The following UHRF1 variants were observed in gnomAD, a reference collection of about 807,000 sequenced individuals.
UHRF1 encodes the protein E3 ubiquitin-protein ligase UHRF1.
Under a neutral mutation model 96.5 loss-of-function variants are expected in UHRF1, and 9 were observed. The observed-to-expected ratio is 0.09, with a 90% CI of 0.06 to 0.16. The LOEUF (loss-of-function observed/expected upper bound fraction) is 0.16, where lower values mean the gene tolerates loss of function less well. Among genes scored for constraint, UHRF1 ranks in the 10% least tolerant of loss-of-function variants. The pLI is 1.00. For synonymous variants in UHRF1, 455 were observed against 469.9 expected (o/e 0.97, Z 0.41); for missense variants, 626 against 1,131.1 (o/e 0.55, Z 6.40).
At chr19:4,915,296 G>A (rs1249287602) in intron 2 of UHRF1, among the ~76,000 whole-genome samples, 1 of 152,220 alleles carries the variant, frequency 6.6e-6, no homozygotes, top group Non-Finnish European at 1.5e-5. Context: ...CCCCCAGGAT[G>A]GCTCCCTGGT....
At chr19:4,932,500 C>G (rs114148764) in intron 4 of UHRF1, among the ~76,000 whole-genome samples, 1 of 152,200 alleles carries the variant, frequency 6.6e-6, no homozygotes, top group African/African-American at 2.4e-5. Context: ...CAATCCTATT[C>G]GTGGGTACTG....
chr19:4,945,817 A>T (rs574952500), intron 9 of UHRF1, 44 bp from the exon 10 acceptor site: 1 of 1,502,674 alleles, frequency 6.7e-7, no homozygotes, highest in African/African-American at 1.4e-5. Context: ...TCTCTGCAGC[A>T]GTCATTGCAG....
chr19:4,906,007 CCTT>C (rs974760317), upstream of UHRF1, among the ~76,000 whole-genome samples: 1 of 152,098 alleles, frequency 6.6e-6, no homozygotes, highest in Admixed American at 6.6e-5. Context: ...GACAGAGTCT[CCTT>C]CTGTCACCCA....
intron 5 of UHRF1, among the ~76,000 whole-genome samples, chr19:4,936,136 G>A (rs902642280): frequency 1.3e-5 from 2 of 152,158 alleles, no homozygotes; most frequent in African/African-American, 2.4e-5. Flanking sequence ...ACAGGTGCTC[G>A]GTCCAGGCGG....
upstream of UHRF1, among the ~76,000 whole-genome samples, chr19:4,905,242 G>A (rs1400158847): frequency 5.6e-5 from 8 of 143,814 alleles, no homozygotes; most frequent in East Asian, 6.5e-4. Flanking sequence ...TCAGCCTCCC[G>A]AGTAGCTGGG....
intron 11 of UHRF1, 41 bp downstream of exon 11, chr19:4,947,252 T>C: frequency 6.4e-7 from 1 of 1,565,754 alleles, no homozygotes; most frequent in East Asian, 2.2e-5. Flanking sequence ...CTGATGCATA[T>C]CTGCCGAGTC....
chr19:4,903,101 A>G, exon 1 of UHRF1: 2 of 416,176 alleles, frequency 4.8e-6, no homozygotes, highest in South Asian at 2.4e-5. Context: ...ATCTTGGCTC[A>G]CTGCAACCTC....
At chr19:4,937,567 T>TTGG (rs371263880) in intron 5 of UHRF1, among the ~76,000 whole-genome samples, 1 of 152,254 alleles carries the variant, frequency 6.6e-6, no homozygotes, top group East Asian at 1.9e-4. Context: ...TTTCTCCATG[T>TTGG]TGGCCAGGCT....
At chr19:4,928,342 A>T (rs1357426981) in intron 2 of UHRF1, among the ~76,000 whole-genome samples, 1 of 151,406 alleles carries the variant, frequency 6.6e-6, no homozygotes, top group African/African-American at 2.4e-5. Context: ...GGGGGGTCCT[A>T]GATGGCAAAC....
At chr19:4,955,370 A>G (rs2033830975) in intron 15 of UHRF1, among the ~76,000 whole-genome samples, 5 of 151,956 alleles carry the variant, frequency 3.3e-5, no homozygotes. Context: ...TTACAGCCAC[A>G]GCGCATCTTC....
chr19:4,910,825 C>T (rs1278729788), intron 1 of UHRF1, 51 bp from the exon 2 acceptor site: 3 of 1,554,334 alleles, frequency 1.9e-6, no homozygotes, highest in Non-Finnish European at 2.6e-6. Context: ...CATGGCATGG[C>T]TCAGAGGTGC....
chr19:4,928,206 G>A (rs923147129), intron 2 of UHRF1, among the ~76,000 whole-genome samples: 8 of 152,016 alleles, frequency 5.3e-5, no homozygotes, highest in Non-Finnish European at 1.0e-4. Context: ...ACGCTGCTCA[G>A]CACCCTGCAG....
At chr19:4,944,100 A>G (rs2033490790) in intron 7 of UHRF1, 32 bp from the exon 8 acceptor site, 4 of 1,611,542 alleles carry the variant, frequency 2.5e-6, no homozygotes, top group Middle Eastern at 1.9e-4. Flanking sequence ...CTGCCAGGCT[A>G]GGCGTGGGCA....
In UHRF1 at chr19:4,941,870, A is replaced by C. The variant is rs369061765; in HGVS notation, c.1012A>C (p.Met338Leu). 2 of 1,557,586 alleles carry C rather than the reference A, an allele frequency of 1.3e-6. No homozygotes were observed. The highest frequency in any genetic ancestry group is 1.7e-6 in the Non-Finnish European group (2 of 1,151,778). ...GCAGCTCATGTGCGATGAGTGCGAC[A>C]TGGCCTTCCACATCTACTGCCTGGA... ...DKQLMCDECD[M>L]AFHIYCLDPP... is the part of the protein sequence containing the mutation. The change falls in exon 7 of 17, where the codon ATG (methionine) becomes CTG (leucine). Residue 338 changes from methionine to leucine, a missense_variant. Physicochemically the swap from Met to Leu is conservative, Grantham distance 15. Coordinates refer to ENST00000650932, the MANE Select transcript of UHRF1 (RefSeq NM_001048201.3).
At chr19:4,951,309 C>A (rs1387124165) in intron 13 of UHRF1, among the ~76,000 whole-genome samples, 1 of 152,120 alleles carries the variant, frequency 6.6e-6, no homozygotes, top group African/African-American at 2.4e-5. Context: ...CTGACACTTC[C>A]CGCCTGGGCA....
intron 5 of UHRF1, among the ~76,000 whole-genome samples, chr19:4,938,656 G>T (rs1020183190): frequency 9.6e-5 from 14 of 145,254 alleles, no homozygotes; most frequent in African/African-American, 3.1e-4. Flanking sequence ...TGATCCACTC[G>T]TCTCGGCCTC....
At chr19:4,934,670 G>C (rs1327573774) in intron 5 of UHRF1, among the ~76,000 whole-genome samples, 2 of 152,184 alleles carry the variant, frequency 1.3e-5, no homozygotes, top group East Asian at 3.8e-4. Context: ...TACGTGACGT[G>C]TTGTCTATAA....
rs1030585446 is a variant in UHRF1, at chr19:4,910,776, G to T, written c.-10-100G>T. ...AAGGGCATCCTGGGAGTTTCCTGGT[G>T]TCCACAGGCCGGACAAAAGCAACCC... On this transcript the variant is annotated intron_variant, in intron 1 of 16. Transcript: ENST00000650932. 2.6e-5 allele frequency: 36 copies of T among 1,406,172 alleles called. 1 individual carries two copies. In the African/African-American group the frequency reaches 4.1e-4, roughly 16 times the overall value. The allele number at this position is 1,406,172 out of a possible 1,614,324, so 87.1% of individuals were successfully genotyped here.
At chr19:4,912,214 G>A (rs138310692) in intron 2 of UHRF1, among the ~76,000 whole-genome samples, 150 of 152,332 alleles carry the variant, frequency 9.8e-4, no homozygotes, top group Admixed American at 1.8e-3. Flanking sequence ...CAAGCCGCGT[G>A]TGTGCAGAGA....
Sources: gnomAD v4.1 joint callset for allele counts (sites outside exome capture counted in the v4.1 genomes callset) on GRCh38, gnomAD v4.1.1 for gene constraint, MANE v1.5 for transcripts, NCBI Gene and HGNC (gene_info 2026-07-23, HGNC 2026-07-21) for gene names.